The following ARMC9 variants were observed in gnomAD, a reference collection of about 807,000 sequenced individuals.
ARMC9 encodes the protein lisH domain-containing protein ARMC9.
A neutral mutation model predicts 107.0 loss-of-function variants in ARMC9; 94 were observed. That is an observed-to-expected ratio of 0.88 (90% confidence interval 0.74 to 1.04). The LOEUF (loss-of-function observed/expected upper bound fraction) is 1.04. Ranked by LOEUF, ARMC9 falls within the 50% of genes least tolerant of loss-of-function variation. The pLI, the probability that ARMC9 is intolerant of heterozygous loss-of-function variation, is 0.00. For missense variants in ARMC9, 942 were observed against 1,030.1 expected (o/e 0.91, Z 1.17); for synonymous variants, 380 against 396.9 (o/e 0.96, Z 0.51).
At position 231,376,321 on chromosome 2, in the gene ARMC9, A is replaced by T. The variant is rs993754785; in HGVS notation, c.*4786A>T. On this transcript the variant is annotated 3_prime_UTR_variant, in exon 25 of 25. Coordinates refer to ENST00000611582, the MANE Select transcript of ARMC9 (RefSeq NM_001352754.2). ...AACAGAGCCATATTTCTCTTCTTTC[A>T]AAAGCAAATGGGAGAAATATCGCTG... 6.6e-6 allele frequency among the ~76,000 whole-genome samples: 1 copy of T among 152,206 alleles called. No individual in the cohort carries two copies. Among genetic ancestry groups the T allele is most frequent in the Non-Finnish European group, 1.5e-5 (1 of 68,034 alleles).
chr2:231,227,442 T>A (rs965496922), intron 7 of ARMC9, among the ~76,000 whole-genome samples: 1 of 152,238 alleles, frequency 6.6e-6, no homozygotes, highest in African/African-American at 2.4e-5. Flanking sequence ...GGAAAGGGCC[T>A]GTGATGCATG....
chr2:231,265,672 A>G (rs2125420581), intron 12 of ARMC9, among the ~76,000 whole-genome samples: 1 of 151,940 alleles, frequency 6.6e-6, no homozygotes, highest in East Asian at 1.9e-4. Flanking sequence ...AACCACCTAT[A>G]ACCCAGAAAC....
intron 4 of ARMC9, 125 bp from the exon 5 acceptor site, chr2:231,216,508 ACCTGC>A (rs2033517355): frequency 9.8e-7 from 1 of 1,018,494 alleles, no homozygotes; most frequent in Non-Finnish European, 1.5e-6. Flanking sequence ...GAGACAATGC[ACCTGC>A]CAGGTTAGAT....
At chr2:231,201,120 G>A (rs1480842908) in intron 1 of ARMC9, among the ~76,000 whole-genome samples, 1 of 152,160 alleles carries the variant, frequency 6.6e-6, no homozygotes, top group Non-Finnish European at 1.5e-5. Flanking sequence ...GCATGGTCCA[G>A]AAAAAGGCTG....
At chr2:231,307,694 T>G (rs1189885090) in intron 19 of ARMC9, among the ~76,000 whole-genome samples, 1 of 152,202 alleles carries the variant, frequency 6.6e-6, no homozygotes, top group Non-Finnish European at 1.5e-5. Flanking sequence ...TTCTTGGTTT[T>G]CCCACTTCCT....
chr2:231,232,575 C>T (rs1360969253), intron 7 of ARMC9, among the ~76,000 whole-genome samples: 1 of 151,754 alleles, frequency 6.6e-6, no homozygotes, highest in African/African-American at 2.4e-5. Context: ...TGTCAGCCTC[C>T]CAAGTAGCTG....
At chr2:231,330,632 G>A (rs999819363) in intron 19 of ARMC9, among the ~76,000 whole-genome samples, 8 of 152,196 alleles carry the variant, frequency 5.3e-5, no homozygotes, top group Admixed American at 2.0e-4. Context: ...AGAACCCACC[G>A]CCAGGGGTGT....
intron 20 of ARMC9, among the ~76,000 whole-genome samples, chr2:231,343,863 C>T (rs2044662563): frequency 6.6e-6 from 1 of 151,506 alleles, no homozygotes; most frequent in Non-Finnish European, 1.5e-5. Flanking sequence ...CACTCCACTG[C>T]ACTCCAGCCT....
Position 231,376,482 on chromosome 2 carries a change from G to A in ARMC9, c.*4947G>A, listed in dbSNP as rs2046202033. ...GGCTGCAGAGATGAAATAAACTCCA[G>A]TCTCCCATAGCGCTCCCAGGCTTAT... On this transcript the variant is annotated 3_prime_UTR_variant, in exon 25 of 25. Transcript: ENST00000611582. Among the ~76,000 whole-genome samples, 1 of 152,204 alleles carries A rather than the reference G, an allele frequency of 6.6e-6. No individual in the cohort carries two copies. Among genetic ancestry groups the A allele is most frequent in the South Asian group, 2.1e-4 (1 of 4,812 alleles).
At chr2:231,340,705 A>G (rs59414851) in intron 20 of ARMC9, among the ~76,000 whole-genome samples, 14,980 of 151,750 alleles carry the variant, frequency 0.099, 2,444 homozygotes, top group African/African-American at 0.34. Flanking sequence ...TGGCCAGCAT[A>G]GTGAAACCCC....
intron 5 of ARMC9, among the ~76,000 whole-genome samples, chr2:231,217,106 T>G (rs997656804): frequency 2.0e-5 from 3 of 152,188 alleles, no homozygotes; most frequent in African/African-American, 7.2e-5. Context: ...GGAGCATGCA[T>G]AAATACATTG....
chr2:231,244,169 A>G (rs148521191), intron 9 of ARMC9, among the ~76,000 whole-genome samples: 171 of 152,252 alleles, frequency 1.1e-3, no homozygotes, highest in African/African-American at 4.0e-3. Context: ...ACTGGTTTTT[A>G]TATCTGGCAG....
At chr2:231,231,623 A>G (rs1012513704) in intron 7 of ARMC9, among the ~76,000 whole-genome samples, 2 of 151,864 alleles carry the variant, frequency 1.3e-5, no homozygotes, top group Non-Finnish European at 2.9e-5. Flanking sequence ...GCTTCAAGCA[A>G]TTCAATCGCC....
intron 18 of ARMC9, among the ~76,000 whole-genome samples, chr2:231,293,263 T>G (rs1468187568): frequency 6.6e-6 from 1 of 152,166 alleles, no homozygotes; most frequent in Non-Finnish European, 1.5e-5. Flanking sequence ...AAAATAAAAA[T>G]AAGACCTGAA....
intron 19 of ARMC9, among the ~76,000 whole-genome samples, chr2:231,302,861 G>C (rs1461860549): frequency 6.6e-6 from 1 of 152,072 alleles, no homozygotes; most frequent in Non-Finnish European, 1.5e-5. Flanking sequence ...AAAATTAGCT[G>C]GGCATCGTGG....
chr2:231,253,805 G>A (rs2037512850), intron 9 of ARMC9, among the ~76,000 whole-genome samples: 2 of 152,220 alleles, frequency 1.3e-5, no homozygotes, highest in Admixed American at 1.3e-4. Context: ...GGTAGGAAAG[G>A]GGTGGTTTAT....
At chr2:231,285,214 T>G (rs1014648609) in intron 17 of ARMC9, among the ~76,000 whole-genome samples, 1 of 151,378 alleles carries the variant, frequency 6.6e-6, no homozygotes, top group Non-Finnish European at 1.5e-5. Flanking sequence ...AAAAAAAAAA[T>G]TATAGCGGTC....
At chr2:231,304,919 A>G (rs554481149) in intron 19 of ARMC9, among the ~76,000 whole-genome samples, 1 of 152,324 alleles carries the variant, frequency 6.6e-6, no homozygotes, top group Admixed American at 6.5e-5. Flanking sequence ...TTAATTTTTG[A>G]GAAGACATCT....
intron 7 of ARMC9, among the ~76,000 whole-genome samples, chr2:231,228,241 C>T (rs1466357410): frequency 6.6e-6 from 1 of 152,248 alleles, no homozygotes; most frequent in Non-Finnish European, 1.5e-5. Context: ...CCTGACAGAC[C>T]ATCCCGACTT....
Sources: allele counts gnomAD v4.1 joint callset (sites outside exome capture counted in the v4.1 genomes callset), GRCh38; gene constraint gnomAD v4.1.1; transcripts MANE v1.5; gene names NCBI Gene and HGNC (gene_info 2026-07-23, HGNC 2026-07-21).